The following MDGA2 variants were observed in gnomAD, a reference collection of about 807,000 sequenced individuals.
MDGA2 encodes MAM domain-containing glycosylphosphatidylinositol anchor protein 2.
In MDGA2, 40 loss-of-function variants were observed where a neutral mutation model predicts 117.8. The ratio of observed to expected loss-of-function variants is 0.34; its 90% CI spans 0.26 to 0.44. The LOEUF is 0.44. Ranked by LOEUF, MDGA2 falls within the 20% of genes least tolerant of loss-of-function variation. MDGA2 has a pLI of 1.00. For missense variants in MDGA2, 1,123 were observed against 1,250.6 expected (o/e 0.90, Z 1.54); for synonymous variants, 452 against 439.0 (o/e 1.03, Z -0.37).
At chr14:46,880,137 G>A (rs1383557617) in intron 11 of MDGA2, among the ~76,000 whole-genome samples, 1 of 151,876 alleles carries the variant, frequency 6.6e-6, no homozygotes, top group Non-Finnish European at 1.5e-5. Flanking sequence ...AGACCAGGCT[G>A]CCCATGGAGA....
intron 1 of MDGA2, among the ~76,000 whole-genome samples, chr14:47,373,915 C>T (rs1221842687): frequency 2.0e-5 from 3 of 152,058 alleles, no homozygotes; most frequent in Non-Finnish European, 4.4e-5. Context: ...AAATATTATA[C>T]TCATTAACTA....
At chr14:46,974,631 T>C (rs1000170715) in intron 8 of MDGA2, among the ~76,000 whole-genome samples, 5 of 152,184 alleles carry the variant, frequency 3.3e-5, no homozygotes, top group African/African-American at 1.2e-4. Flanking sequence ...GGGGAATAGA[T>C]AGTCTTTTCA....
chr14:47,262,442 C>T (rs554515945), intron 2 of MDGA2, among the ~76,000 whole-genome samples: 8 of 152,180 alleles, frequency 5.3e-5, no homozygotes, highest in East Asian at 3.9e-4. Context: ...CTTAGATCAG[C>T]GACTGACACA....
At chr14:46,958,690 C>A (rs8004745) in intron 8 of MDGA2, among the ~76,000 whole-genome samples, 17,924 of 152,172 alleles carry the variant, frequency 0.12, 2,004 homozygotes, top group African/African-American at 0.27. Flanking sequence ...TGAATGTGTC[C>A]ATTTCATGCA....
chr14:47,079,290 T>C (rs920155285), intron 6 of MDGA2, among the ~76,000 whole-genome samples: 4 of 152,200 alleles, frequency 2.6e-5, no homozygotes, highest in African/African-American at 7.2e-5. Flanking sequence ...CTCAAAACAA[T>C]GGAGCCATAC....
intron 5 of MDGA2, among the ~76,000 whole-genome samples, chr14:47,119,104 G>T (rs1267121796): frequency 7.1e-6 from 1 of 141,514 alleles, no homozygotes; most frequent in African/African-American, 2.6e-5. Context: ...AGGCTGGAGT[G>T]CAGTGGCGCA....
chr14:47,344,755 CAA>C (rs60963279), intron 1 of MDGA2, among the ~76,000 whole-genome samples: 2 of 150,646 alleles, frequency 1.3e-5, no homozygotes, highest in African/African-American at 4.9e-5. Context: ...GAGTTACATG[CAA>C]AAAAAAATAC....
At chr14:46,961,116 T>A (rs1885791762) in intron 8 of MDGA2, among the ~76,000 whole-genome samples, 2 of 152,102 alleles carry the variant, frequency 1.3e-5, no homozygotes. Context: ...ATGTCTTTTT[T>A]TTCCTCCAGC....
At chr14:47,384,159 C>G (rs1891705486) in intron 1 of MDGA2, among the ~76,000 whole-genome samples, 1 of 151,672 alleles carries the variant, frequency 6.6e-6, no homozygotes, top group Non-Finnish European at 1.5e-5. Flanking sequence ...AAAATAGAAC[C>G]TGATAATCAT....
chr14:47,376,581 G>A (rs557087749), intron 1 of MDGA2, among the ~76,000 whole-genome samples: 1 of 151,864 alleles, frequency 6.6e-6, no homozygotes, highest in African/African-American at 2.4e-5. Flanking sequence ...CCTCAGTAGG[G>A]GATTAAAATC....
intron 3 of MDGA2, among the ~76,000 whole-genome samples, chr14:47,195,631 T>G (rs1446188617): frequency 6.6e-6 from 1 of 152,108 alleles, no homozygotes; most frequent in East Asian, 1.9e-4. Flanking sequence ...TTCAAGCAGT[T>G]CATTGACTTT....
chr14:47,059,169 T>C, intron 7 of MDGA2: 1 of 808,082 alleles, frequency 1.2e-6, no homozygotes, highest in Non-Finnish European at 1.7e-6. Context: ...AGTCATTTTG[T>C]TAGTTAATAA....
chr14:47,200,834 A>G (rs1440851814), intron 3 of MDGA2: 10 of 812,730 alleles, frequency 1.2e-5, no homozygotes, highest in Non-Finnish European at 2.2e-5. Context: ...AGGAGCCACC[A>G]TCCATTTTTT....
At chr14:47,216,842 G>A (rs1886107327) in intron 3 of MDGA2, among the ~76,000 whole-genome samples, 1 of 152,052 alleles carries the variant, frequency 6.6e-6, no homozygotes, top group Non-Finnish European at 1.5e-5. Context: ...TACAGGTGTG[G>A]TCAACCTGTG....
At chr14:46,934,137 AT>A (rs1181409358) in intron 9 of MDGA2, among the ~76,000 whole-genome samples, 1 of 151,836 alleles carries the variant, frequency 6.6e-6, no homozygotes, top group African/African-American at 2.4e-5. Context: ...TAAAAACTAT[AT>A]TTTCATTTAT....
At chr14:46,938,845 G>A (rs887230004) in intron 9 of MDGA2, among the ~76,000 whole-genome samples, 2 of 152,070 alleles carry the variant, frequency 1.3e-5, no homozygotes, top group African/African-American at 4.8e-5. Flanking sequence ...ACAATAGTCA[G>A]AATATGAAAT....
chr14:47,352,478 G>GCCCACC (rs150248165), intron 1 of MDGA2, among the ~76,000 whole-genome samples: 4,530 of 152,144 alleles, frequency 0.03, 226 homozygotes, highest in African/African-American at 0.1. Flanking sequence ...TTTGGACTCA[G>GCCCACC]CCCACCGGCA....
At chr14:47,160,770 G>A (rs1261013978) in intron 3 of MDGA2, among the ~76,000 whole-genome samples, 1 of 152,134 alleles carries the variant, frequency 6.6e-6, no homozygotes, top group African/African-American at 2.4e-5. Flanking sequence ...TTAATTTTAG[G>A]TAAGTGAAAA....
At chr14:47,174,358 C>T (rs527666455) in intron 3 of MDGA2, among the ~76,000 whole-genome samples, 1 of 152,052 alleles carries the variant, frequency 6.6e-6, no homozygotes, top group Non-Finnish European at 1.5e-5. Context: ...TTTTTCAGCA[C>T]CACACCACAC....
Sources: allele counts gnomAD v4.1 joint callset (sites outside exome capture counted in the v4.1 genomes callset), GRCh38; gene constraint gnomAD v4.1.1; transcripts MANE v1.5; gene names NCBI Gene and HGNC (gene_info 2026-07-23, HGNC 2026-07-21).